The following PRDM1 variants were observed in gnomAD, a reference collection of about 807,000 sequenced individuals.
The protein encoded by PRDM1 is PR/SET domain 1, also known as PR domain zinc finger protein 1.
PRDM1 carries 13 observed loss-of-function variants against 62.8 expected under a neutral mutation model. That is an observed-to-expected ratio of 0.21 (90% CI 0.13 to 0.33). The LOEUF (loss-of-function observed/expected upper bound fraction) is 0.33. Among genes scored for constraint, PRDM1 ranks in the 10% least tolerant of loss-of-function variants. The pLI, the probability that PRDM1 is intolerant of heterozygous loss-of-function variation, is 1.00. For missense variants in PRDM1, 895 were observed against 1,058.8 expected, an observed-to-expected ratio of 0.85 and a Z score of 2.15; for synonymous variants, 396 against 417.6, an observed-to-expected ratio of 0.95 and a Z score of 0.63.
chr6:106,100,738 A>C (rs1774244772), intron 4 of PRDM1: 1 of 152,112 alleles, frequency 6.6e-6, no homozygotes, highest in Admixed American at 6.5e-5. Context: ...TTGTGTTTGC[A>C]GTTTTTCTGA....
chr6:106,082,178 C>T (rs1457305368), upstream of PRDM1, among the ~76,000 whole-genome samples: 1 of 152,160 alleles, frequency 6.6e-6, no homozygotes, highest in Admixed American at 6.5e-5. Context: ...CAGGTTTTGC[C>T]TTCTGTTAGT....
chr6:106,085,763 T>C (rs186696656), upstream of PRDM1, among the ~76,000 whole-genome samples: 29 of 151,100 alleles, frequency 1.9e-4, 1 homozygote, highest in East Asian at 5.6e-3. Flanking sequence ...AACTTTTGCC[T>C]ATTTCCCTAT....
rs565451162 is a variant in PRDM1, at chr6:106,012,389, CA to C, written c.-67+18754del. ...CCCTCTACATTACACATACCACACA[CA>C]AAACATACCACATACACACATACAC... On this transcript the variant is annotated intron_variant, in intron 1 of 6. Transcript: ENST00000652320. Among the ~76,000 whole-genome samples, 446 of 151,444 alleles carry C rather than the reference CA, an allele frequency of 2.9e-3. 2 individuals carry two copies. Among genetic ancestry groups the C allele is most frequent in the African/African-American group, 0.01 (431 of 41,194 alleles).
At chr6:106,010,835 C>T (rs1225479200) in intron 1 of PRDM1, among the ~76,000 whole-genome samples, 2 of 152,170 alleles carry the variant, frequency 1.3e-5, no homozygotes, top group Non-Finnish European at 2.9e-5. Flanking sequence ...TCGAGCCTTT[C>T]CCAGGATGTC....
At chr6:106,049,204 A>G (rs1327271898) in intron 1 of PRDM1, among the ~76,000 whole-genome samples, 1 of 152,204 alleles carries the variant, frequency 6.6e-6, no homozygotes, top group Non-Finnish European at 1.5e-5. Flanking sequence ...AACAGAGAGA[A>G]CAGATGCTGT....
intron 1 of PRDM1, among the ~76,000 whole-genome samples, chr6:106,034,931 G>A (rs949623417): frequency 2.0e-5 from 3 of 152,042 alleles, no homozygotes; most frequent in Non-Finnish European, 2.9e-5. Context: ...CACCACACTG[G>A]GCATGACACT....
chr6:106,027,340 T>A (rs1414827278), intron 1 of PRDM1, among the ~76,000 whole-genome samples: 1 of 152,218 alleles, frequency 6.6e-6, no homozygotes, highest in East Asian at 1.9e-4. Context: ...AGAGTCCTGT[T>A]TTGTAGAAAG....
intron 1 of PRDM1, among the ~76,000 whole-genome samples, chr6:106,087,288 T>C (rs972056378): frequency 2.0e-5 from 3 of 152,232 alleles, no homozygotes; most frequent in Non-Finnish European, 4.4e-5. Context: ...AAATTTGTTA[T>C]AACTTTAGTT....
chr6:106,038,232 G>T (rs986276955), intron 1 of PRDM1, among the ~76,000 whole-genome samples: 1 of 151,780 alleles, frequency 6.6e-6, no homozygotes. Context: ...TGATCTGCCT[G>T]CCTGGGCCTC....
At chr6:106,043,529 T>A (rs1034018690) in intron 1 of PRDM1, among the ~76,000 whole-genome samples, 7 of 152,058 alleles carry the variant, frequency 4.6e-5, no homozygotes, top group Admixed American at 4.6e-4. Flanking sequence ...TATTTTATTT[T>A]ATTTATTATT....
At chr6:106,096,070 G>C (rs2076060) in intron 3 of PRDM1, 62,553 of 199,576 alleles carry the variant, frequency 0.31, 10,523 homozygotes, top group East Asian at 0.45. Context: ...GAGTTACCAA[G>C]CCTTAGATTT....
At chr6:106,000,982 AT>A (rs1431821635) in intron 1 of PRDM1, among the ~76,000 whole-genome samples, 2 of 152,178 alleles carry the variant, frequency 1.3e-5, no homozygotes, top group African/African-American at 4.8e-5. Context: ...GGTTGCATTA[AT>A]TTACACCGAT....
At chr6:106,043,699 T>C (rs932921757), upstream of PRDM1, among the ~76,000 whole-genome samples, 15 of 152,166 alleles carry the variant, frequency 9.9e-5, no homozygotes, top group African/African-American at 3.6e-4. Context: ...CACACCCAGC[T>C]AATTTTGTAT....
intron 1 of PRDM1, among the ~76,000 whole-genome samples, chr6:106,028,594 A>G (rs959299670): frequency 1.1e-4 from 17 of 152,200 alleles, no homozygotes; most frequent in African/African-American, 3.9e-4. Flanking sequence ...GGTATGTATG[A>G]TTCCATTTTT....
chr6:106,083,880 T>C (rs553938212), upstream of PRDM1, among the ~76,000 whole-genome samples: 86 of 152,326 alleles, frequency 5.6e-4, no homozygotes, highest in South Asian at 0.017. Flanking sequence ...GCTGTACTGC[T>C]GCCAGGGTCT....
chr6:106,084,451 CT>C (rs1773752071), upstream of PRDM1, among the ~76,000 whole-genome samples: 1 of 152,178 alleles, frequency 6.6e-6, no homozygotes, highest in Non-Finnish European at 1.5e-5. Flanking sequence ...AAATATTTGG[CT>C]TAAAATAGCC....
At chr6:106,007,114 C>T (rs777657100) in intron 1 of PRDM1, among the ~76,000 whole-genome samples, 1 of 151,848 alleles carries the variant, frequency 6.6e-6, no homozygotes, top group African/African-American at 2.4e-5. Flanking sequence ...TCTACATGTT[C>T]TTTAGGAGTT....
At position 106,086,430 on chromosome 6, in the gene PRDM1, G is replaced by T; in HGVS notation, c.-124G>T. 1.2e-6 allele frequency: 1 copy of T among 853,610 alleles called. No individual in the cohort carries two copies. Among genetic ancestry groups the T allele is most frequent in the Non-Finnish European group, 1.8e-6 (1 of 546,446 alleles). The allele number at this position is 853,610 out of a possible 1,614,324, so 52.9% of individuals were successfully genotyped here. A position where few individuals can be genotyped will look rare whatever the true frequency, so the allele number is the denominator to read the frequency against. Reference sequence around the variant, plus strand: ...GCACCTGTCCGCCCGGAGCTGGGACGCGGGCGCCCGGGCGGCCGGACGAAG... The same window carrying T: ...GCACCTGTCCGCCCGGAGCTGGGACTCGGGCGCCCGGGCGGCCGGACGAAG... On this transcript the variant is annotated 5_prime_UTR_variant, in exon 1 of 7. Transcript: ENST00000369096.
chr6:106,082,774 T>G (rs1482802006), upstream of PRDM1, among the ~76,000 whole-genome samples: 2 of 152,178 alleles, frequency 1.3e-5, no homozygotes, highest in East Asian at 3.8e-4. Context: ...ACCGTCCCAA[T>G]GTTTAGGCCC....
Sources: gnomAD v4.1 joint callset for allele counts (sites outside exome capture counted in the v4.1 genomes callset) on GRCh38, gnomAD v4.1.1 for gene constraint, MANE v1.5 for transcripts, NCBI Gene and HGNC (gene_info 2026-07-23, HGNC 2026-07-21) for gene names.